The following MOCOS variants were observed in gnomAD, a reference collection of about 807,000 sequenced individuals.
MOCOS encodes human molybdenum cofactor sulfurase.
A neutral mutation model predicts 83.6 loss-of-function variants in MOCOS; 86 were observed. That is an observed-to-expected ratio of 1.03 (90% CI 0.86 to 1.23). MOCOS has a LOEUF of 1.23. Ranked by LOEUF, MOCOS falls within the 50% of genes most tolerant of loss-of-function variation. MOCOS has a pLI of 0.00. For missense variants in MOCOS, 1,120 were observed against 1,126.9 expected (o/e 0.99, Z 0.09); for synonymous variants, 445 against 434.7 (o/e 1.02, Z -0.29).
intron 9 of MOCOS, among the ~76,000 whole-genome samples, chr18:36,243,533 T>A (rs2091591746): frequency 6.6e-6 from 1 of 152,194 alleles, no homozygotes; most frequent in African/African-American, 2.4e-5. Flanking sequence ...GTTGAGGATT[T>A]TTGCATCTAT....
chr18:36,199,493 G>A (rs934761770), intron 3 of MOCOS, among the ~76,000 whole-genome samples, 190 bp from the exon 4 acceptor site: 1 of 152,194 alleles, frequency 6.6e-6, no homozygotes, highest in Admixed American at 6.5e-5. Context: ...ATATTTGGGA[G>A]GTAAGAGGAT....
chr18:36,254,372 A>C (rs1190942498), intron 11 of MOCOS, among the ~76,000 whole-genome samples: 3 of 152,012 alleles, frequency 2.0e-5, no homozygotes, highest in African/African-American at 7.2e-5. Context: ...CTTTTCAACA[A>C]AGCCAGTAGA....
At chr18:36,264,308 G>A (rs1174140469) in intron 13 of MOCOS, among the ~76,000 whole-genome samples, 3 of 150,236 alleles carry the variant, frequency 2.0e-5, no homozygotes, top group East Asian at 1.9e-4. Flanking sequence ...GTTGCCTGTC[G>A]GGTGGCTGCT....
Position 36,251,227 on chromosome 18 carries a change from A to G in MOCOS, c.2108A>G (p.His703Arg). Reference protein sequence around the residue: ...WLSTFFGRPCHLIKQSSNSQR... With the variant: ...WLSTFFGRPCRLIKQSSNSQR... ...TCAACATTTTTTGGCCGTCCTTGTCATTTGATCAAACAAAGTTCAAACTCT... is the reference window on the plus strand; with the variant it reads ...TCAACATTTTTTGGCCGTCCTTGTCGTTTGATCAAACAAAGTTCAAACTCT... Residue 703 changes from histidine (H) to arginine (R), a missense_variant, in exon 11 of 15, where the codon CAT becomes CGT. His to Arg is a conservative substitution (Grantham distance 29). Transcript: ENST00000261326. 6.2e-7 allele frequency: 1 copy of G among 1,614,014 alleles called. No individual in the cohort carries two copies. The highest frequency in any genetic ancestry group is 8.5e-7 in the Non-Finnish European group (1 of 1,179,878).
chr18:36,264,338 A>G (rs1275834296), intron 13 of MOCOS, among the ~76,000 whole-genome samples: 1 of 152,150 alleles, frequency 6.6e-6, no homozygotes, highest in Non-Finnish European at 1.5e-5. Context: ...GGCTGGTGCA[A>G]GCTGCAGGGC....
chr18:36,246,976 G>A (rs779054914), intron 9 of MOCOS, among the ~76,000 whole-genome samples: 1 of 152,074 alleles, frequency 6.6e-6, no homozygotes, highest in African/African-American at 2.4e-5. Flanking sequence ...AAACCATCAG[G>A]TGGGGGCAGG....
At chr18:36,268,491 ATAATC>A (rs756762246) in intron 14 of MOCOS, 37 bp from the exon 15 acceptor site, 1 of 1,613,646 alleles carries the variant, frequency 6.2e-7, no homozygotes, top group Non-Finnish European at 8.5e-7. Flanking sequence ...AATTGCTAAA[ATAATC>A]TAGCCTTTTT....
intron 7 of MOCOS, 131 bp from the exon 8 acceptor site, chr18:36,215,385 C>A: frequency 2.3e-6 from 2 of 852,646 alleles, no homozygotes; most frequent in Non-Finnish European, 3.8e-6. Flanking sequence ...AGACGCACAG[C>A]ACATATTAAT....
intron 7 of MOCOS, among the ~76,000 whole-genome samples, 184 bp downstream of exon 7, chr18:36,213,666 C>T (rs775730460): frequency 2.9e-4 from 44 of 151,932 alleles, no homozygotes; most frequent in East Asian, 3.9e-4. Context: ...CGGTGGCTCA[C>T]GCCTGTAATC....
Position 36,189,125 on chromosome 18 carries a change from T to C in MOCOS, c.142+1444T>C, listed in dbSNP as rs541165763. 7.2e-5 allele frequency among the ~76,000 whole-genome samples: 11 copies of C among 152,216 alleles called. No individual in the cohort carries two copies. The South Asian group carries it at 1.7e-3, about 23-fold the overall frequency. ...CAGCTGTGATCTCTCACGCCCACTA[T>C]TGGCCAACCTCTCCCCTCAATGCTA... On this transcript the variant is annotated intron_variant, in intron 1 of 14. Coordinates refer to ENST00000261326, the MANE Select transcript of MOCOS (RefSeq NM_017947.4).
intron 9 of MOCOS, among the ~76,000 whole-genome samples, chr18:36,241,350 A>G (rs2091582080): frequency 6.6e-6 from 1 of 152,220 alleles, no homozygotes; most frequent in South Asian, 2.1e-4. Flanking sequence ...GAAATTGGCC[A>G]AAACAAATGG....
intron 9 of MOCOS, among the ~76,000 whole-genome samples, chr18:36,228,598 C>A (rs1332811668): frequency 1.3e-5 from 2 of 152,050 alleles, no homozygotes; most frequent in Non-Finnish European, 2.9e-5. Context: ...CCAAATACCA[C>A]ATGTTCTCAC....
chr18:36,223,009 G>A (rs1298270786), intron 9 of MOCOS, among the ~76,000 whole-genome samples: 8 of 152,162 alleles, frequency 5.3e-5, no homozygotes, highest in African/African-American at 1.9e-4. Context: ...CAGATAAATG[G>A]TTTGAAAATA....
At chr18:36,222,891 C>T (rs1319628448) in intron 9 of MOCOS, among the ~76,000 whole-genome samples, 6 of 152,216 alleles carry the variant, frequency 3.9e-5, no homozygotes, top group African/African-American at 9.6e-5. Flanking sequence ...TGAGCCATCG[C>T]GCCCAGCCAC....
chr18:36,268,623 A>G lies in MOCOS; in HGVS notation c.2605A>G (p.Lys869Glu). 2 of 1,614,082 alleles carry G rather than the reference A, an allele frequency of 1.2e-6. No homozygotes were observed. Among genetic ancestry groups the G allele is most frequent in the Non-Finnish European group, 1.7e-6 (2 of 1,180,024 alleles). The change falls in exon 15 of 15, where the codon AAA becomes GAA. Residue 869 changes from lysine (K) to glutamate (E), a missense_variant. By Grantham distance (56) the Lys-to-Glu change is moderately conservative (BLOSUM62 1). Coordinates refer to ENST00000261326, the MANE Select transcript of MOCOS (RefSeq NM_017947.4). ...AGGATCTCAGGTGCTCCCTGTGTTG[A>G]AAGAGAATGTGGAAGGTCATGATTT... ...SVGSQVLPVL[K>E]ENVEGHDLPA...
At chr18:36,255,570 G>A (rs1395857210) in intron 11 of MOCOS, among the ~76,000 whole-genome samples, 1 of 152,162 alleles carries the variant, frequency 6.6e-6, no homozygotes, top group Non-Finnish European at 1.5e-5. Context: ...GAAAGAGGAA[G>A]GGTCTTTGTG....
At chr18:36,202,009 TG>T (rs961730789) in intron 4 of MOCOS, among the ~76,000 whole-genome samples, 5 of 152,022 alleles carry the variant, frequency 3.3e-5, no homozygotes, top group Non-Finnish European at 7.4e-5. Context: ...ATGAATGGGC[TG>T]GGGGGGATCA....
intron 9 of MOCOS, among the ~76,000 whole-genome samples, chr18:36,237,374 C>A (rs1156658543): frequency 3.9e-5 from 6 of 152,182 alleles, no homozygotes; most frequent in African/African-American, 1.4e-4. Flanking sequence ...GCCTTTTCTG[C>A]ATCTATTGAG....
chr18:36,256,049 C>T (rs78398989), intron 11 of MOCOS, among the ~76,000 whole-genome samples: 5,081 of 151,894 alleles, frequency 0.033, 196 homozygotes, highest in East Asian at 0.21. Flanking sequence ...AGTGGCACTG[C>T]GCCCAGCTAA....
Sources: allele counts gnomAD v4.1 joint callset (sites outside exome capture counted in the v4.1 genomes callset), GRCh38; gene constraint gnomAD v4.1.1; transcripts MANE v1.5; gene names NCBI Gene and HGNC (gene_info 2026-07-23, HGNC 2026-07-21).